The following AMER1 variants were observed in gnomAD, a reference collection of about 807,000 sequenced individuals.
The protein encoded by AMER1 is RP11-403E24.2.
AMER1 carries 16 observed loss-of-function variants against 53.0 expected under a neutral mutation model. The ratio of observed to expected loss-of-function variants is 0.30; its 90% CI spans 0.20 to 0.46. The LOEUF is 0.46. Ranked by LOEUF, AMER1 falls within the 20% of genes least tolerant of loss-of-function variation. The pLI is 1.00. For synonymous variants in AMER1, 354 were observed against 331.9 expected (o/e 1.07, Z -0.73); for missense variants, 947 against 884.9 (o/e 1.07, Z -0.89).
chrX:64,185,971 T>A lies in AMER1; in HGVS notation c.*3908A>T, dbSNP rs1930097035. The A allele has an allele frequency of 2.0e-6, 1 of 492,202 alleles. No homozygotes were observed. The highest frequency in any genetic ancestry group is 3.2e-6 in the Non-Finnish European group (1 of 309,264). 40.6% of individuals were successfully genotyped at this position (492,202 alleles called of 1,213,427 possible). On this transcript the variant is annotated 3_prime_UTR_variant, in exon 2 of 2. Transcript: ENST00000374869. ...ACTCAACAAGACAAATAGCACAACA[T>A]GGGCACTCTGATTTCAAAACTAAAG...
In AMER1 at chrX:64,187,520, T is replaced by A. The variant is rs1166726397; in HGVS notation, c.*2359A>T. 1.3e-6 allele frequency: 1 copy of A among 780,718 alleles called. No homozygotes were observed. The highest frequency in any genetic ancestry group is 2.3e-5 in the African/African-American group (1 of 44,272). 64.3% of individuals were successfully genotyped at this position (780,718 alleles called of 1,213,427 possible). On this transcript the variant is annotated 3_prime_UTR_variant, in exon 2 of 2. Transcript: ENST00000374869. ...TGATCCTGAGGGCAGCTCTCAGCCC[T>A]TAGCCAAAGGTTGGCCACCTCCTTT...
Position 64,193,382 on chromosome X carries a change from G to C in AMER1, c.-96C>G. The C allele has an allele frequency of 8.7e-7, 1 of 1,145,926 alleles. No individual in the cohort carries two copies. The allele number at this position is 1,145,926 out of a possible 1,213,427, so 94.4% of individuals were successfully genotyped here. A position where few individuals can be genotyped will look rare whatever the true frequency, so the allele number is the denominator to read the frequency against. On this transcript the variant is annotated splice_region_variant and 5_prime_UTR_variant, in exon 2 of 2. Transcript: ENST00000374869. ...TATCAGTCAGGAAGCATCACAGTGG[G>C]GTCTGGAGGAGATAGGAGAGACAAA...
chrX:64,188,292 C>T lies in AMER1; in HGVS notation c.*1587G>A. 5.0e-6 allele frequency: 4 copies of T among 802,164 alleles called. No homozygotes were observed. The highest frequency in any genetic ancestry group is 6.0e-6 in the Non-Finnish European group (4 of 668,542). The allele number at this position is 802,164 out of a possible 1,213,427, so 66.1% of individuals were successfully genotyped here. A position where few individuals can be genotyped will look rare whatever the true frequency, so the allele number is the denominator to read the frequency against. ...GCCAAGCAAAAAATGTTCCATATGC[C>T]ATTTCCAATAAAGACATGTAAAAGG... On this transcript the variant is annotated 3_prime_UTR_variant, in exon 2 of 2. Transcript: ENST00000374869.
chrX:64,189,482 G>A lies in AMER1; in HGVS notation c.*397C>T, dbSNP rs1190683662. 2 of 552,191 alleles carry A rather than the reference G, an allele frequency of 3.6e-6. No homozygotes were observed. Among genetic ancestry groups the A allele is most frequent in the Non-Finnish European group, 4.2e-6 (2 of 478,652 alleles). 45.5% of individuals were successfully genotyped at this position (552,191 alleles called of 1,213,427 possible). A position where few individuals can be genotyped will look rare whatever the true frequency, so the allele number is the denominator to read the frequency against. On this transcript the variant is annotated 3_prime_UTR_variant, in exon 2 of 2. Coordinates refer to ENST00000374869, the MANE Select transcript of AMER1 (RefSeq NM_152424.4). Reference sequence around the variant, plus strand: ...TGTGTGTTTGTGTGTGTGTGTGTATGTATGTGTGTGTGTGTGTGTGTGTGT... The same window carrying A: ...TGTGTGTTTGTGTGTGTGTGTGTATATATGTGTGTGTGTGTGTGTGTGTGT...
In AMER1 at chrX:64,186,983, T is replaced by C; in HGVS notation, c.*2896A>G. ...AGTCCCATTTTCCCTTAAAATCACA[T>C]CCAAAAGCATTATTCCAGGACCTTG... On this transcript the variant is annotated 3_prime_UTR_variant, in exon 2 of 2. Transcript: ENST00000374869. 1 of 776,213 alleles carries C rather than the reference T, an allele frequency of 1.3e-6. No homozygotes were observed. Among genetic ancestry groups the C allele is most frequent in the Non-Finnish European group, 1.5e-6 (1 of 652,136 alleles). The allele number at this position is 776,213 out of a possible 1,213,427, so 64.0% of individuals were successfully genotyped here.
rs1427486123 is a variant in AMER1 at position 64,189,209 on chromosome X, A to G, written c.*670T>C. ...TACTTGATCCTCTCTAAGGACAGCT[A>G]GCTGGGATGAATAGCTTATAGTCAT... On this transcript the variant is annotated 3_prime_UTR_variant, in exon 2 of 2. Transcript: ENST00000374869. The G allele has an allele frequency of 7.5e-6, 6 of 797,132 alleles. No individual in the cohort carries two copies. The highest frequency in any genetic ancestry group is 9.0e-6 in the Non-Finnish European group (6 of 666,745). 65.7% of individuals were successfully genotyped at this position (797,132 alleles called of 1,213,427 possible).
At position 64,188,141 on chromosome X, in the gene AMER1, CT is replaced by C; in HGVS notation, c.*1737del. The stretch of plus-strand genomic sequence containing the variant: ...CCTTGACTTAGGGGGCAAACAGCAT[CT>C]GTTCCCAAGCTAAATTGCCATATCT... On this transcript the variant is annotated 3_prime_UTR_variant, in exon 2 of 2. Coordinates refer to ENST00000374869, the MANE Select transcript of AMER1 (RefSeq NM_152424.4). 3.7e-6 allele frequency: 3 copies of C among 800,595 alleles called. No individual in the cohort carries two copies. Among genetic ancestry groups the C allele is most frequent in the Non-Finnish European group, 4.5e-6 (3 of 667,536 alleles). The allele number at this position is 800,595 out of a possible 1,213,427, so 66.0% of individuals were successfully genotyped here. A position where few individuals can be genotyped will look rare whatever the true frequency, so the allele number is the denominator to read the frequency against.
chrX:64,187,692 T>G lies in AMER1; in HGVS notation c.*2187A>C, dbSNP rs1377212046. On this transcript the variant is annotated 3_prime_UTR_variant, in exon 2 of 2. Transcript: ENST00000374869. ...AAGAGGCAAGAGGTGGGTTCTTCCC[T>G]GTTGTAAAGGCATTTGGTGAGTGTT... The G allele has an allele frequency of 9.0e-6, 7 of 774,937 alleles. No homozygotes were observed. Among genetic ancestry groups the G allele is most frequent in the Non-Finnish European group, 1.1e-5 (7 of 651,143 alleles). 63.9% of individuals were successfully genotyped at this position (774,937 alleles called of 1,213,427 possible). A position where few individuals can be genotyped will look rare whatever the true frequency, so the allele number is the denominator to read the frequency against.
At chrX:64,204,384 G>A (rs774394732) in intron 1 of AMER1, among the ~76,000 whole-genome samples, 88 of 114,135 alleles carry the variant, frequency 7.7e-4, no homozygotes, top group Admixed American at 1.9e-3. Context: ...TGCGGGGCCA[G>A]TCCAGCTGCC....
At position 64,185,247 on chromosome X, in the gene AMER1, C is replaced by G. The variant is rs997378221; in HGVS notation, c.*4632G>C. ...AGCTAGAAGTGGAGAGGTCAGAACC[C>G]GGGTGATTCTGTGATGTCTCAGGGA... On this transcript the variant is annotated 3_prime_UTR_variant, in exon 2 of 2. Coordinates refer to ENST00000374869, the MANE Select transcript of AMER1 (RefSeq NM_152424.4). 1 of 160,920 alleles carries G rather than the reference C, an allele frequency of 6.2e-6. No individual in the cohort carries two copies. The highest frequency in any genetic ancestry group is 1.2e-5 in the Non-Finnish European group (1 of 82,325). The allele number at this position is 160,920 out of a possible 1,213,427, so 13.3% of individuals were successfully genotyped here.
Sources: gnomAD v4.1 joint callset for allele counts (sites outside exome capture counted in the v4.1 genomes callset) on GRCh38, gnomAD v4.1.1 for gene constraint, MANE v1.5 for transcripts, NCBI Gene and HGNC (gene_info 2026-07-23, HGNC 2026-07-21) for gene names.